The following IKBKE variants were observed in gnomAD, a reference collection of about 807,000 sequenced individuals.
IKBKE encodes the protein inhibitor of nuclear factor kappa-B kinase subunit epsilon.
A neutral mutation model predicts 92.1 loss-of-function variants in IKBKE; 45 were observed. The observed-to-expected ratio is 0.49, with a 90% CI of 0.38 to 0.63. The LOEUF (loss-of-function observed/expected upper bound fraction) is 0.63. Ranked by LOEUF, IKBKE falls within the 20% of genes least tolerant of loss-of-function variation. IKBKE has a pLI of 0.00. For synonymous variants in IKBKE, 374 were observed against 380.3 expected, an observed-to-expected ratio of 0.98 and a Z score of 0.19; for missense variants, 700 against 932.8, an observed-to-expected ratio of 0.75 and a Z score of 3.25.
chr1:206,491,106 CT>C (rs1293495359), intron 17 of IKBKE: 428 of 542,588 alleles, frequency 7.9e-4, no homozygotes, highest in Non-Finnish European at 1.2e-3. Context: ...TGTTTGCAGG[CT>C]TTTTTTTTCT....
At chr1:206,482,962 C>A (rs907595074) in intron 13 of IKBKE, among the ~76,000 whole-genome samples, 11 of 152,274 alleles carry the variant, frequency 7.2e-5, no homozygotes, top group African/African-American at 2.7e-4. Context: ...ACCTCTCCCC[C>A]AGTGTGCATA....
At chr1:206,471,495 G>A (rs782013530) in intron 2 of IKBKE, among the ~76,000 whole-genome samples, 2 of 152,180 alleles carry the variant, frequency 1.3e-5, no homozygotes, top group Non-Finnish European at 1.5e-5. Context: ...TTGTCTGGGG[G>A]TCTGCGCTTT....
chr1:206,491,842 A>C (rs1665965238), intron 18 of IKBKE, 93 bp downstream of exon 18: 5 of 884,466 alleles, frequency 5.7e-6, no homozygotes, highest in Non-Finnish European at 9.4e-6. Context: ...CCTGAGGCAG[A>C]GGGAGGAGTG....
intron 13 of IKBKE, among the ~76,000 whole-genome samples, chr1:206,481,766 CTTTTTTTTTTT>C (rs71152472): frequency 2.1e-5 from 1 of 46,536 alleles, no homozygotes; most frequent in South Asian, 9.7e-4. Context: ...AAGGATGAGG[CTTTTTTTTTTT>C]TTTTTTTTTT....
intron 3 of IKBKE, 139 bp downstream of exon 3, chr1:206,473,453 T>C: frequency 1.6e-6 from 1 of 640,356 alleles, no homozygotes; most frequent in South Asian, 2.1e-5. Context: ...ACACTCATAC[T>C]GTGGGTTTGA....
Position 206,483,433 on chromosome 1 carries a change from A to G in IKBKE, c.1428-1564A>G, listed in dbSNP as rs543134638. Among the ~76,000 whole-genome samples the G allele has an allele frequency of 1.8e-4, 28 of 152,324 alleles. No individual in the cohort carries two copies. The South Asian group carries it at 5.4e-3, about 29-fold the overall frequency. On this transcript the variant is annotated intron_variant, in intron 13 of 21. Transcript: ENST00000581977. ...TCAGTAACGCCTTCAGCATCCGTGC[A>G]CTGACGGACTACCATGTGCCGAACA... is the stretch of plus-strand genomic sequence containing the variant.
intron 20 of IKBKE, among the ~76,000 whole-genome samples, 180 bp from the exon 21 acceptor site, chr1:206,493,740 G>A (rs1276194748): frequency 6.6e-6 from 1 of 152,260 alleles, no homozygotes; most frequent in Non-Finnish European, 1.5e-5. Flanking sequence ...AGTGAGCCAA[G>A]ATTATGCCAC....
intron 5 of IKBKE, 62 bp downstream of exon 5, chr1:206,475,056 G>A: frequency 6.4e-7 from 1 of 1,569,442 alleles, no homozygotes; most frequent in Non-Finnish European, 8.7e-7. Flanking sequence ...GACAGATGCT[G>A]ACAGGACTCA....
In IKBKE at chr1:206,490,225, C is replaced by T. The variant is rs1665878432; in HGVS notation, c.1694-594C>T. On this transcript the variant is annotated intron_variant, in intron 16 of 21. Coordinates refer to ENST00000581977, the MANE Select transcript of IKBKE (RefSeq NM_014002.4). The surrounding 1 kb of genome is among the most constrained non-coding windows in gnomAD (Gnocchi z 5.2). Reference sequence around the variant, plus strand: ...CATCATCATTTCATCTTGGGGCTGCCGCCACCCTGGAGGCCCATTCCTGCG... The same window carrying T: ...CATCATCATTTCATCTTGGGGCTGCTGCCACCCTGGAGGCCCATTCCTGCG... 6.6e-6 allele frequency among the ~76,000 whole-genome samples: 1 copy of T among 152,188 alleles called. No individual in the cohort carries two copies. The highest frequency in any genetic ancestry group is 1.5e-5 in the Non-Finnish European group (1 of 68,032).
intron 21 of IKBKE, 80 bp downstream of exon 21, chr1:206,494,071 C>A: frequency 8.3e-7 from 1 of 1,204,844 alleles, no homozygotes; most frequent in Non-Finnish European, 1.2e-6. Flanking sequence ...AGTCCCCAAG[C>A]CTGCCCATGC....
rs1553388552 is a variant in IKBKE at position 206,485,989 on chromosome 1, G to A, written c.1616+683G>A. Among the ~76,000 whole-genome samples the A allele has an allele frequency of 6.6e-6, 1 of 152,212 alleles. No individual in the cohort carries two copies. The highest frequency in any genetic ancestry group is 2.4e-5 in the African/African-American group (1 of 41,450). ...TCCCCATTCTCTGCTGGTGCCTACT[G>A]TAATCTGGGCCTATCCCCATCCATC... On this transcript the variant is annotated intron_variant, in intron 15 of 21. Coordinates refer to ENST00000581977, the MANE Select transcript of IKBKE (RefSeq NM_014002.4). The surrounding 1 kb of genome is among the most constrained non-coding windows in gnomAD (Gnocchi z 5.0).
At position 206,485,110 on chromosome 1, in the gene IKBKE, G is replaced by A; in HGVS notation, c.1503+38G>A. 1 of 1,603,082 alleles carries A rather than the reference G, an allele frequency of 6.2e-7. No individual in the cohort carries two copies. Among genetic ancestry groups the A allele is most frequent in the South Asian group, 1.1e-5 (1 of 90,874 alleles). On this transcript the variant is annotated intron_variant, in intron 14 of 21. Transcript: ENST00000581977. This position sits in a 1 kb window ranked among gnomAD's most constrained non-coding sequence, Gnocchi z 5.0. ...GGAGGGCAAGGGCTTAGCAGGATCA[G>A]AGCTGGGGGCCCGTGTTCCAGCCAG...
At chr1:206,474,813 G>T (rs2103450650) in intron 4 of IKBKE, 52 bp from the exon 5 acceptor site, 1 of 1,596,378 alleles carries the variant, frequency 6.3e-7, no homozygotes, top group Non-Finnish European at 8.6e-7. Context: ...CTTCCTGGTG[G>T]GTGGGGAGGA....
intron 13 of IKBKE, 128 bp downstream of exon 13, chr1:206,480,661 A>T: frequency 1.4e-6 from 1 of 720,230 alleles, no homozygotes; most frequent in Non-Finnish European, 2.4e-6. Flanking sequence ...CCCTCCTAGA[A>T]TAGAGGGCAC....
intron 13 of IKBKE, among the ~76,000 whole-genome samples, chr1:206,481,865 C>T (rs982859175): frequency 8.1e-5 from 12 of 148,990 alleles, no homozygotes; most frequent in African/African-American, 1.7e-4. Flanking sequence ...CTGCAAGCTC[C>T]GCCTCCCGGG....
In IKBKE at chr1:206,476,356, G is replaced by A. The variant is rs2103454870; in HGVS notation, c.534G>A (p.Glu178=). ...EKFVSVYGTE[E]YLHPDMYERA... ...TCGTCTCGGTCTATGGGACTGAGGAGTACCTGGTGGGTGAGCTGCTCGAGA... is the reference window on the plus strand; with the variant it reads ...TCGTCTCGGTCTATGGGACTGAGGAATACCTGGTGGGTGAGCTGCTCGAGA... The change falls in exon 6 of 22, where the codon GAG becomes GAA. Residue 178 remains glutamate (E), a synonymous_variant. Transcript: ENST00000581977. The surrounding 1 kb of genome is among the most constrained non-coding windows in gnomAD (Gnocchi z 5.1). The A allele has an allele frequency of 6.2e-7, 1 of 1,607,124 alleles. No individual in the cohort carries two copies. The highest frequency in any genetic ancestry group is 8.5e-7 in the Non-Finnish European group (1 of 1,175,086).
intron 13 of IKBKE, among the ~76,000 whole-genome samples, chr1:206,481,726 T>A (rs1399818064): frequency 6.9e-6 from 1 of 144,768 alleles, no homozygotes; most frequent in African/African-American, 2.6e-5. Flanking sequence ...AGACCTGAGA[T>A]GGGTAGAGGC....
At chr1:206,484,707 C>A (rs2103471102) in intron 13 of IKBKE, among the ~76,000 whole-genome samples, 1 of 152,314 alleles carries the variant, frequency 6.6e-6, no homozygotes, top group African/African-American at 2.4e-5. Flanking sequence ...GTAAGGAGAT[C>A]ATTAATAGCA....
At chr1:206,479,178 TC>T in intron 10 of IKBKE, 45 bp downstream of exon 10, 1 of 1,478,946 alleles carries the variant, frequency 6.8e-7, no homozygotes, top group Non-Finnish European at 9.1e-7. Context: ...CCCCACATTT[TC>T]CTCTGAGACA....
Sources: gnomAD v4.1 joint callset for allele counts (sites outside exome capture counted in the v4.1 genomes callset) on GRCh38, gnomAD v4.1.1 for gene constraint, Gnocchi (gnomAD v3.1) non-coding constraint, MANE v1.5 for transcripts, NCBI Gene and HGNC (gene_info 2026-07-23, HGNC 2026-07-21) for gene names.